Variants in RBP4 observed in about 807,000 individuals in gnomAD.
RBP4 encodes the protein retinol-binding protein 4.
A neutral mutation model predicts 26.2 loss-of-function variants in RBP4; 9 were observed. That is an observed-to-expected ratio of 0.34 (90% CI 0.21 to 0.60). RBP4 has a LOEUF of 0.60. RBP4 is among the 20% of genes least tolerant of loss of function. The pLI, the probability that RBP4 is intolerant of heterozygous loss-of-function variation, is 0.80. For missense variants in RBP4, 244 were observed against 271.3 expected (o/e 0.90, Z 0.71); for synonymous variants, 114 against 111.0 (o/e 1.03, Z -0.17).
At chr10:93,601,335 G>A (rs1271171227), upstream of RBP4, 17 of 1,230,626 alleles carry the variant, frequency 1.4e-5, no homozygotes, top group Admixed American at 4.4e-5. Flanking sequence ...GGCGCCGGGG[G>A]CACTTGCATA....
chr10:93,600,891 G>T (rs1564790817), intron 2 of RBP4, 27 bp downstream of exon 2: 3 of 1,610,954 alleles, frequency 1.9e-6, no homozygotes, highest in East Asian at 4.5e-5. Context: ...GACCTGGGCC[G>T]CCTGGGCCCC....
At chr10:93,601,665 C>A, upstream of RBP4, 1 of 778,708 alleles carries the variant, frequency 1.3e-6, no homozygotes, top group South Asian at 1.3e-5. Flanking sequence ...CAAATTGGCG[C>A]CTCCGTCTGC....
rs752538003 is a variant in RBP4 at position 93,592,228 on chromosome 10, T to A, written c.569-116A>T. 3 of 873,382 alleles carry A rather than the reference T, an allele frequency of 3.4e-6. No homozygotes were observed. In the African/African-American group the frequency reaches 5.0e-5, roughly 14 times the overall value. The allele number at this position is 873,382 out of a possible 1,614,324, so 54.1% of individuals were successfully genotyped here. A position where few individuals can be genotyped will look rare whatever the true frequency, so the allele number is the denominator to read the frequency against. ...TCATTCAAATGCTTCTTAATTCAAA[T>A]GCATCACAGCAGATTGCAACCCTTA... On this transcript the variant is annotated intron_variant, in intron 5 of 5. Coordinates refer to ENST00000371464, the MANE Select transcript of RBP4 (RefSeq NM_006744.4).
intron 4 of RBP4, 72 bp from the exon 5 acceptor site, chr10:93,594,107 AC>A: frequency 1.4e-6 from 2 of 1,433,356 alleles, no homozygotes; most frequent in Non-Finnish European, 2.0e-6. Flanking sequence ...GAAACTCACG[AC>A]CAGGCCTGAG....
Position 93,600,963 on chromosome 10 carries a change from G to A in RBP4, c.66C>T (p.Cys22=). Residue 22 remains cysteine (C), a synonymous_variant, in exon 2 of 6, where the codon TGC becomes TGT. Coordinates refer to ENST00000371464, the MANE Select transcript of RBP4 (RefSeq NM_006744.4). ...ALGSGRAERD[C]RVSSFRVKEN... ...CCTTGACTCGGAAGCTGCTCACTCG[G>A]CAGTCGCGCTCCGCGCGGCCGCTGC... The A allele has an allele frequency of 1.2e-6, 2 of 1,612,440 alleles. No homozygotes were observed. Among genetic ancestry groups the A allele is most frequent in the South Asian group, 2.2e-5 (2 of 91,082 alleles).
At chr10:93,598,411 T>C (rs576418153) in intron 4 of RBP4, among the ~76,000 whole-genome samples, 2 of 152,296 alleles carry the variant, frequency 1.3e-5, no homozygotes, top group South Asian at 4.1e-4. Flanking sequence ...CCACAAGTAG[T>C]GGTGGAGTTG....
chr10:93,592,564 T>C (rs1010581548), intron 5 of RBP4, among the ~76,000 whole-genome samples: 1 of 152,180 alleles, frequency 6.6e-6, no homozygotes, highest in African/African-American at 2.4e-5. Context: ...AACTCTAGGT[T>C]TGCATCCAAC....
chr10:93,593,483 A>G (rs2058280079), intron 5 of RBP4, among the ~76,000 whole-genome samples: 3 of 145,636 alleles, frequency 2.1e-5, no homozygotes, highest in Admixed American at 6.8e-5. Flanking sequence ...CTCAATCCCA[A>G]ACAATCTTAA....
At chr10:93,594,080 T>C (rs769975887) in intron 4 of RBP4, 45 bp from the exon 5 acceptor site, 80 of 1,580,010 alleles carry the variant, frequency 5.1e-5, no homozygotes, top group Middle Eastern at 1.7e-4. Context: ...CTTTCCCTCA[T>C]GGGCTCAGAT....
At chr10:93,601,641 G>C (rs1281694955), upstream of RBP4, 1 of 776,524 alleles carries the variant, frequency 1.3e-6, no homozygotes, top group African/African-American at 1.7e-5. Context: ...TGAGTGCCCA[G>C]GCCCTGGCCA....
upstream of RBP4, chr10:93,601,723 A>G (rs1041125772): frequency 1.2e-5 from 9 of 778,378 alleles, no homozygotes; most frequent in African/African-American, 1.2e-4. Context: ...TCATCCAAGT[A>G]GTTTTTCATT....
Position 93,591,829 on chromosome 10 carries a change from A to T in RBP4, c.*246T>A. On this transcript the variant is annotated 3_prime_UTR_variant, in exon 6 of 6. Transcript: ENST00000371464. Reference sequence around the variant, plus strand: ...AGCACAGACATAAACACAAATGAAAACTAAAATCACAGGACACGGGTGACT... The same window carrying T: ...AGCACAGACATAAACACAAATGAAATCTAAAATCACAGGACACGGGTGACT... The T allele has an allele frequency of 1.9e-6, 1 of 535,024 alleles. No individual in the cohort carries two copies. Among genetic ancestry groups the T allele is most frequent in the East Asian group, 3.2e-5 (1 of 31,238 alleles). 33.1% of individuals were successfully genotyped at this position (535,024 alleles called of 1,614,324 possible).
Position 93,594,003 on chromosome 10 carries a change from C to G in RBP4, c.388G>C (p.Asp130His). The G allele has an allele frequency of 6.2e-7, 1 of 1,613,814 alleles. No homozygotes were observed. The change falls in exon 5 of 6, where the codon GAC becomes CAC. Residue 130 changes from aspartate (D) to histidine (H), a missense_variant. By Grantham distance (81) the Asp-to-His change is moderately conservative (BLOSUM62 -1). Transcript: ENST00000371464. The stretch of plus-strand genomic sequence containing the variant: ...CAGGAGTACTGCACGGCATACGTGT[C>G]GTAGTCTGTGTCGACGATCCAGTGG... ...DDHWIVDTDY[D>H]TYAVQYSCRL...
At position 93,592,255 on chromosome 10, in the gene RBP4, G is replaced by C. The variant is rs574651184; in HGVS notation, c.569-143C>G. On this transcript the variant is annotated intron_variant, in intron 5 of 5. Coordinates refer to ENST00000371464, the MANE Select transcript of RBP4 (RefSeq NM_006744.4). ...CATCACAGCAGATTGCAACCCTTAC[G>C]GATACAGGTGGCTGTAATTCATAAA... is the stretch of plus-strand genomic sequence containing the variant. 420 of 740,494 alleles carry C rather than the reference G, an allele frequency of 5.7e-4. No individual in the cohort carries two copies. The African/African-American group carries it at 6.1e-3, about 11-fold the overall frequency. 45.9% of individuals were successfully genotyped at this position (740,494 alleles called of 1,614,324 possible).
chr10:93,593,291 T>C (rs2134566839), intron 5 of RBP4, among the ~76,000 whole-genome samples: 1 of 152,306 alleles, frequency 6.6e-6, no homozygotes, highest in East Asian at 1.9e-4. Flanking sequence ...CTATGGTTGT[T>C]CCAGAGAATC....
chr10:93,594,126 T>C, intron 4 of RBP4, 91 bp from the exon 5 acceptor site: 1 of 1,210,924 alleles, frequency 8.3e-7, no homozygotes, highest in South Asian at 1.2e-5. Flanking sequence ...GAGAACACAG[T>C]GACTTCCAGA....
rs1589685736 is a variant in RBP4 at position 93,598,082 on chromosome 10, G to T, written c.355+2311C>A. On this transcript the variant is annotated intron_variant, in intron 4 of 5. Transcript: ENST00000371464. ...TCACTAAGTGCCAAAAATTCACCCT[G>T]TGCCCCTAGGCCAGTCACTTCTCTA... Among the ~76,000 whole-genome samples, 5 of 152,312 alleles carry T rather than the reference G, an allele frequency of 3.3e-5. No individual in the cohort carries two copies. In the East Asian group the frequency reaches 7.7e-4, roughly 24 times the overall value.
chr10:93,601,454 C>A (rs1326039673), upstream of RBP4: 57 of 1,075,960 alleles, frequency 5.3e-5, no homozygotes, highest in South Asian at 2.0e-5. Flanking sequence ...GTGGCCTCGG[C>A]CAGGCCAAAT....
chr10:93,601,244 C>A, upstream of RBP4: 3 of 1,223,514 alleles, frequency 2.5e-6, no homozygotes, highest in African/African-American at 3.2e-5. Flanking sequence ...GCGAGCGCGC[C>A]GCGGCCGCCC....
Sources: gnomAD v4.1 joint callset for allele counts (sites outside exome capture counted in the v4.1 genomes callset) on GRCh38, gnomAD v4.1.1 for gene constraint, MANE v1.5 for transcripts, NCBI Gene and HGNC (gene_info 2026-07-23, HGNC 2026-07-21) for gene names.